Variants in HS6ST3 observed in about 807,000 individuals in gnomAD.
The protein encoded by HS6ST3 is heparan sulfate 6-O-sulfotransferase 3, also known as heparan-sulfate 6-O-sulfotransferase 3.
In HS6ST3, 12 loss-of-function variants were observed where a neutral mutation model predicts 36.7. The ratio of observed to expected loss-of-function variants is 0.33; its 90% confidence interval spans 0.21 to 0.53. The LOEUF is 0.53. Ranked by LOEUF, HS6ST3 falls within the 20% of genes least tolerant of loss-of-function variation. The probability of loss-of-function intolerance (pLI) is 0.95; values close to 1 mark genes in which losing one functional copy is unlikely to be tolerated. For missense variants in HS6ST3, 584 were observed against 640.9 expected, an observed-to-expected ratio of 0.91 and a Z score of 0.96; for synonymous variants, 240 against 257.5, an observed-to-expected ratio of 0.93 and a Z score of 0.65.
intron 1 of HS6ST3, among the ~76,000 whole-genome samples, chr13:96,238,066 G>T (rs2139371050): frequency 6.6e-6 from 1 of 152,192 alleles, no homozygotes; most frequent in East Asian, 1.9e-4. Flanking sequence ...TGTCCAAAGT[G>T]GCACCTTGAA....
chr13:96,757,965 T>G (rs1876874096), intron 1 of HS6ST3, among the ~76,000 whole-genome samples: 1 of 152,096 alleles, frequency 6.6e-6, no homozygotes, highest in Non-Finnish European at 1.5e-5. Context: ...GCTATGCTGG[T>G]CTCATATGTA....
At chr13:96,562,551 C>T (rs1463958449) in intron 1 of HS6ST3, among the ~76,000 whole-genome samples, 6 of 152,068 alleles carry the variant, frequency 3.9e-5, no homozygotes, top group Non-Finnish European at 8.8e-5. Flanking sequence ...TGCCGAGCAT[C>T]AGAGACAATA....
intron 1 of HS6ST3, among the ~76,000 whole-genome samples, chr13:96,772,465 A>G (rs1297471629): frequency 6.6e-6 from 1 of 152,240 alleles, no homozygotes; most frequent in African/African-American, 2.4e-5. Context: ...GGCCTTGATT[A>G]TCTAATACTC....
intron 1 of HS6ST3, among the ~76,000 whole-genome samples, chr13:96,803,521 G>A (rs1001311795): frequency 1.3e-5 from 2 of 152,132 alleles, no homozygotes; most frequent in African/African-American, 4.8e-5. Flanking sequence ...GGGCAGGTGA[G>A]AATGACTTTG....
At chr13:96,293,686 C>G (rs1236324976) in intron 1 of HS6ST3, among the ~76,000 whole-genome samples, 1 of 152,004 alleles carries the variant, frequency 6.6e-6, no homozygotes, top group Non-Finnish European at 1.5e-5. Context: ...CTCAGATATT[C>G]ATGTCACAAC....
chr13:96,400,210 T>C (rs1179281875), intron 1 of HS6ST3, among the ~76,000 whole-genome samples: 3 of 144,794 alleles, frequency 2.1e-5, no homozygotes, highest in African/African-American at 2.6e-5. Context: ...GACACACATA[T>C]ACACACAGAC....
At chr13:96,167,294 G>T (rs759148004) in intron 1 of HS6ST3, among the ~76,000 whole-genome samples, 1 of 152,132 alleles carries the variant, frequency 6.6e-6, no homozygotes, top group Non-Finnish European at 1.5e-5. Flanking sequence ...CAGTAAGTAC[G>T]TATAAATGGT....
intron 1 of HS6ST3, among the ~76,000 whole-genome samples, chr13:96,115,095 C>T (rs144003218): frequency 1.0e-3 from 152 of 152,264 alleles, no homozygotes; most frequent in African/African-American, 3.5e-3. Context: ...ACTAGTTTTA[C>T]AGGACATGGT....
chr13:96,182,567 G>A (rs941301790), intron 1 of HS6ST3, among the ~76,000 whole-genome samples: 12 of 152,076 alleles, frequency 7.9e-5, no homozygotes, highest in African/African-American at 2.9e-4. Flanking sequence ...TACATTTGAT[G>A]TTGTATCTGC....
chr13:96,118,931 T>G (rs543988648), intron 1 of HS6ST3, among the ~76,000 whole-genome samples: 1 of 149,170 alleles, frequency 6.7e-6, no homozygotes, highest in African/African-American at 2.5e-5. Flanking sequence ...AGGATGGTCT[T>G]GATCTCCTGA....
chr13:96,772,028 G>A (rs1877278260), intron 1 of HS6ST3, among the ~76,000 whole-genome samples: 1 of 152,116 alleles, frequency 6.6e-6, no homozygotes, highest in African/African-American at 2.4e-5. Flanking sequence ...TAATTCCACA[G>A]CATTTCAGCT....
At chr13:96,187,244 T>C (rs1369965105) in intron 1 of HS6ST3, among the ~76,000 whole-genome samples, 3 of 152,230 alleles carry the variant, frequency 2.0e-5, no homozygotes, top group Admixed American at 6.5e-5. Flanking sequence ...TGTGATACCA[T>C]ATATCTGTCC....
chr13:96,262,058 T>C (rs148374381), intron 1 of HS6ST3, among the ~76,000 whole-genome samples: 2 of 152,274 alleles, frequency 1.3e-5, no homozygotes, highest in Non-Finnish European at 2.9e-5. Flanking sequence ...GTGGTGTTTA[T>C]CTGGGATGAA....
chr13:96,096,300 C>T (rs1202445251), intron 1 of HS6ST3, among the ~76,000 whole-genome samples: 1 of 152,058 alleles, frequency 6.6e-6, no homozygotes, highest in Non-Finnish European at 1.5e-5. Context: ...TAAGAAAGAA[C>T]TTAATAAAAT....
At chr13:96,386,408 T>G (rs1180100772) in intron 1 of HS6ST3, among the ~76,000 whole-genome samples, 1 of 152,154 alleles carries the variant, frequency 6.6e-6, no homozygotes, top group African/African-American at 2.4e-5. Flanking sequence ...CCTTCCAGAT[T>G]TTTCCATTTC....
intron 1 of HS6ST3, among the ~76,000 whole-genome samples, chr13:96,311,522 G>A (rs930121426): frequency 1.3e-5 from 2 of 152,084 alleles, no homozygotes; most frequent in Non-Finnish European, 2.9e-5. Flanking sequence ...TGATACTCCC[G>A]CCAGAGTAGT....
At chr13:96,312,205 C>A (rs1323101000) in intron 1 of HS6ST3, among the ~76,000 whole-genome samples, 2 of 152,160 alleles carry the variant, frequency 1.3e-5, no homozygotes, top group Non-Finnish European at 2.9e-5. Context: ...TCCAGCCCCT[C>A]TTCATTTCTA....
intron 1 of HS6ST3, among the ~76,000 whole-genome samples, chr13:96,801,622 T>C (rs1307631567): frequency 6.6e-6 from 1 of 152,110 alleles, no homozygotes; most frequent in Non-Finnish European, 1.5e-5. Context: ...CTGTTGTCCC[T>C]TGAGGGACAG....
chr13:96,153,392 G>A (rs778074401), intron 1 of HS6ST3, among the ~76,000 whole-genome samples: 11 of 152,126 alleles, frequency 7.2e-5, no homozygotes, highest in East Asian at 1.9e-4. Context: ...GGGTATTTCC[G>A]GGGGAAGAAT....
Sources: allele counts gnomAD v4.1 joint callset (sites outside exome capture counted in the v4.1 genomes callset), GRCh38; gene constraint gnomAD v4.1.1; transcripts MANE v1.5; gene names NCBI Gene and HGNC (gene_info 2026-07-23, HGNC 2026-07-21).